The following RSRC1 variants were observed in gnomAD, a reference collection of about 807,000 sequenced individuals.
RSRC1 encodes arginine and serine rich coiled-coil 1.
RSRC1 carries 39 observed loss-of-function variants against 49.1 expected under a neutral mutation model. That is an observed-to-expected ratio of 0.79 (90% CI 0.61 to 1.04). The LOEUF is 1.04. RSRC1 is among the 50% of genes least tolerant of loss of function. The pLI, the probability that RSRC1 is intolerant of heterozygous loss-of-function variation, is 0.00. For missense variants in RSRC1, 388 were observed against 402.4 expected (o/e 0.96, Z 0.31); for synonymous variants, 143 against 130.8 (o/e 1.09, Z -0.63).
chr3:158,510,153 T>C (rs1740076220), intron 7 of RSRC1, among the ~76,000 whole-genome samples: 1 of 152,224 alleles, frequency 6.6e-6, no homozygotes, highest in African/African-American at 2.4e-5. Context: ...GTGTGATGAC[T>C]ATAAAATGTT....
chr3:158,351,144 C>T (rs1034525664), intron 5 of RSRC1, among the ~76,000 whole-genome samples: 8 of 152,156 alleles, frequency 5.3e-5, no homozygotes, highest in Non-Finnish European at 1.0e-4. Context: ...TGCAGATAGA[C>T]AGGTGGGACG....
intron 3 of RSRC1, among the ~76,000 whole-genome samples, chr3:158,141,952 G>C (rs1162664674): frequency 6.6e-6 from 1 of 152,104 alleles, no homozygotes; most frequent in Admixed American, 6.5e-5. Flanking sequence ...ACAATAATTA[G>C]CCGGGCGTGG....
At chr3:158,423,170 G>A (rs565130102) in intron 6 of RSRC1, among the ~76,000 whole-genome samples, 2 of 152,174 alleles carry the variant, frequency 1.3e-5, no homozygotes, top group Admixed American at 6.5e-5. Context: ...GTCCTGAATG[G>A]TAATGCCTAG....
chr3:158,458,572 A>C (rs1050399461), intron 6 of RSRC1, among the ~76,000 whole-genome samples: 1 of 152,092 alleles, frequency 6.6e-6, no homozygotes, highest in African/African-American at 2.4e-5. Flanking sequence ...CCTAGAGGGG[A>C]CAGTTAGCCG....
At chr3:158,450,843 C>A (rs999757823) in intron 6 of RSRC1, among the ~76,000 whole-genome samples, 2 of 151,596 alleles carry the variant, frequency 1.3e-5, no homozygotes, top group Non-Finnish European at 2.9e-5. Flanking sequence ...TATATTTTTT[C>A]TCCAAAAATC....
chr3:158,504,498 T>G (rs1016357983), intron 7 of RSRC1, among the ~76,000 whole-genome samples: 1 of 152,230 alleles, frequency 6.6e-6, no homozygotes, highest in East Asian at 1.9e-4. Context: ...GATAAAATGT[T>G]GCTTTGCTGT....
chr3:158,356,918 T>G (rs972851737), intron 6 of RSRC1, among the ~76,000 whole-genome samples: 6 of 152,158 alleles, frequency 3.9e-5, no homozygotes, highest in Non-Finnish European at 5.9e-5. Context: ...AGTGTATAAC[T>G]TGCTTATATC....
At chr3:158,509,271 T>C (rs1740027450) in intron 7 of RSRC1, among the ~76,000 whole-genome samples, 2 of 152,196 alleles carry the variant, frequency 1.3e-5, no homozygotes, top group South Asian at 4.1e-4. Flanking sequence ...TAACTGTTTT[T>C]ATTAAGTATG....
chr3:158,166,359 A>G (rs546424244), intron 3 of RSRC1, among the ~76,000 whole-genome samples: 18 of 152,280 alleles, frequency 1.2e-4, no homozygotes, highest in Admixed American at 7.2e-4. Flanking sequence ...AAGGTTTTCA[A>G]TGAGCTTGTT....
At chr3:158,182,382 G>GAA (rs1201939352) in intron 3 of RSRC1, among the ~76,000 whole-genome samples, 8 of 152,258 alleles carry the variant, frequency 5.3e-5, no homozygotes, top group African/African-American at 1.9e-4. Context: ...AGGTGATAGA[G>GAA]AAACTCCCTA....
At chr3:158,418,765 A>G (rs935917731) in intron 6 of RSRC1, among the ~76,000 whole-genome samples, 1 of 151,980 alleles carries the variant, frequency 6.6e-6, no homozygotes. Flanking sequence ...ATCATTTTAT[A>G]CTTCATCTTA....
chr3:158,457,143 TC>T (rs1385918316), intron 6 of RSRC1, among the ~76,000 whole-genome samples: 5 of 152,196 alleles, frequency 3.3e-5, no homozygotes, highest in Non-Finnish European at 7.3e-5. Context: ...TTGGAAGTAC[TC>T]GTATTAGAAG....
chr3:158,248,230 ATAGTTTT>A (rs1376435129), intron 4 of RSRC1, among the ~76,000 whole-genome samples: 10 of 152,288 alleles, frequency 6.6e-5, no homozygotes, highest in African/African-American at 2.4e-4. Flanking sequence ...AAACTGCAAA[ATAGTTTT>A]CTAAAGGCCT....
At chr3:158,367,608 T>A (rs1372022578) in intron 6 of RSRC1, among the ~76,000 whole-genome samples, 2 of 152,328 alleles carry the variant, frequency 1.3e-5, no homozygotes, top group East Asian at 3.9e-4. Flanking sequence ...AATTTTCTTT[T>A]TTGTTGTGTC....
rs71144444 is a variant in RSRC1, at chr3:158,180,449, T to TG, written c.321-22623_321-22622insG. On this transcript the variant is annotated intron_variant, in intron 3 of 9. Coordinates refer to ENST00000611884, the MANE Select transcript of RSRC1 (RefSeq NM_001271838.2). ...GTGTGTGTGTGTGTGTGTGTGTGTG[T>TG]TTATGTGTCTGTGTGTGTGTAATTT... Among the ~76,000 whole-genome samples the TG allele has an allele frequency of 4.0e-3, 528 of 130,932 alleles. 9 individuals are homozygous for TG. The highest frequency in any genetic ancestry group is 0.015 in the African/African-American group (508 of 34,338). 85.9% of individuals were successfully genotyped at this position (130,932 alleles called of 152,430 possible).
At chr3:158,121,905 C>T (rs544563314) in intron 1 of RSRC1, among the ~76,000 whole-genome samples, 198 bp from the exon 2 acceptor site, 1 of 152,150 alleles carries the variant, frequency 6.6e-6, no homozygotes, top group East Asian at 1.9e-4. Context: ...CTTTGGAAGG[C>T]TTGGGGGAAG....
intron 3 of RSRC1, among the ~76,000 whole-genome samples, chr3:158,196,036 A>C (rs1041241992): frequency 1.3e-5 from 2 of 152,152 alleles, no homozygotes; most frequent in African/African-American, 4.8e-5. Flanking sequence ...TCTGTGAAGA[A>C]AGTCATTGGT....
At chr3:158,467,616 C>T (rs1737948920) in intron 7 of RSRC1, among the ~76,000 whole-genome samples, 1 of 152,104 alleles carries the variant, frequency 6.6e-6, no homozygotes, top group Admixed American at 6.6e-5. Context: ...TCTCAAAGAA[C>T]TTACAGTCAA....
intron 6 of RSRC1, among the ~76,000 whole-genome samples, chr3:158,444,811 G>GAA (rs961726215): frequency 1.3e-5 from 2 of 151,676 alleles, no homozygotes; most frequent in East Asian, 3.9e-4. Flanking sequence ...AAATTTACAA[G>GAA]AAAAAAACAA....
Sources: gnomAD v4.1 joint callset for allele counts (sites outside exome capture counted in the v4.1 genomes callset) on GRCh38, gnomAD v4.1.1 for gene constraint, MANE v1.5 for transcripts, NCBI Gene and HGNC (gene_info 2026-07-23, HGNC 2026-07-21) for gene names.